The following PLCL2 variants were observed in gnomAD, a reference collection of about 807,000 sequenced individuals.
PLCL2 encodes the protein phospholipase C like 2, also known as inactive phospholipase C-like protein 2.
A neutral mutation model predicts 79.6 loss-of-function variants in PLCL2; 4 were observed. The observed-to-expected ratio is 0.05, with a 90% CI of 0.02 to 0.11. The LOEUF (loss-of-function observed/expected upper bound fraction) is 0.11, where lower values mean the gene tolerates loss of function less well. PLCL2 is among the 10% of genes least tolerant of loss of function. The probability of loss-of-function intolerance (pLI) is 1.00; values close to 1 mark genes in which losing one functional copy is unlikely to be tolerated. For missense variants in PLCL2, 895 were observed against 1,291.0 expected, an observed-to-expected ratio of 0.69 and a Z score of 4.70; for synonymous variants, 484 against 457.7, an observed-to-expected ratio of 1.06 and a Z score of -0.73.
chr3:17,033,347 A>G (rs748082537), intron 3 of PLCL2, among the ~76,000 whole-genome samples: 4 of 152,210 alleles, frequency 2.6e-5, no homozygotes, highest in Non-Finnish European at 5.9e-5. Flanking sequence ...TATGACGCCA[A>G]AACCATGCTT....
chr3:16,991,098 G>A (rs900569210), intron 1 of PLCL2, among the ~76,000 whole-genome samples: 8 of 152,212 alleles, frequency 5.3e-5, no homozygotes, highest in Non-Finnish European at 2.9e-5. Context: ...CCAGCCTTCA[G>A]TCTGCTGTCA....
intron 5 of PLCL2, among the ~76,000 whole-genome samples, chr3:17,088,965 A>G (rs1441305316): frequency 1.3e-5 from 2 of 152,244 alleles, no homozygotes; most frequent in Non-Finnish European, 2.9e-5. Context: ...AAGTATATCC[A>G]AAGTAGAAAA....
At chr3:16,975,346 C>G (rs1192422410) in intron 1 of PLCL2, among the ~76,000 whole-genome samples, 2 of 152,022 alleles carry the variant, frequency 1.3e-5, no homozygotes, top group African/African-American at 4.8e-5. Context: ...TCAGTGAAGC[C>G]CAGAATCACT....
chr3:17,002,502 C>A (rs2064221281), intron 1 of PLCL2, among the ~76,000 whole-genome samples: 1 of 152,050 alleles, frequency 6.6e-6, no homozygotes, highest in Non-Finnish European at 1.5e-5. Flanking sequence ...TCTTATTGAT[C>A]TTTTTCTGTA....
intron 1 of PLCL2, among the ~76,000 whole-genome samples, chr3:16,945,926 CT>C (rs2063596142): frequency 6.6e-6 from 1 of 152,210 alleles, no homozygotes; most frequent in Non-Finnish European, 1.5e-5. Context: ...TTCACTTTCT[CT>C]TAGAGTTATG....
chr3:17,018,629 A>G (rs2064411922), intron 3 of PLCL2, among the ~76,000 whole-genome samples: 1 of 152,216 alleles, frequency 6.6e-6, no homozygotes. Context: ...GACAGCATAC[A>G]TGATTATATC....
intron 1 of PLCL2, among the ~76,000 whole-genome samples, chr3:16,997,141 A>G (rs1434039469): frequency 2.6e-5 from 4 of 152,220 alleles, no homozygotes; most frequent in Non-Finnish European, 5.9e-5. Context: ...CAAGGCCATC[A>G]TTGGCTTTAT....
At chr3:16,901,816 G>C (rs1217325313) in intron 1 of PLCL2, among the ~76,000 whole-genome samples, 5 of 152,158 alleles carry the variant, frequency 3.3e-5, no homozygotes, top group Non-Finnish European at 7.3e-5. Flanking sequence ...CCTGTTTTCA[G>C]CTGTATCTAA....
intron 1 of PLCL2, among the ~76,000 whole-genome samples, chr3:16,915,628 T>G (rs1458152374): frequency 6.6e-6 from 1 of 152,232 alleles, no homozygotes; most frequent in Non-Finnish European, 1.5e-5. Flanking sequence ...ATTCAGATAG[T>G]GTTTCATCTC....
chr3:16,916,030 ATG>A (rs916411222), intron 1 of PLCL2, among the ~76,000 whole-genome samples: 3 of 152,212 alleles, frequency 2.0e-5, no homozygotes, highest in Non-Finnish European at 4.4e-5. Flanking sequence ...AAATCAAAGC[ATG>A]CTTAGTAAGG....
intron 1 of PLCL2, among the ~76,000 whole-genome samples, chr3:16,985,678 A>G (rs1185362171): frequency 6.6e-6 from 1 of 152,180 alleles, no homozygotes; most frequent in Non-Finnish European, 1.5e-5. Context: ...AGGCACTGCC[A>G]AGAGAAGTGA....
intron 1 of PLCL2, among the ~76,000 whole-genome samples, chr3:16,976,246 T>TG (rs925156042): frequency 9.9e-5 from 15 of 152,144 alleles, no homozygotes; most frequent in African/African-American, 3.6e-4. Context: ...GGAGAGGGGT[T>TG]GGGGAACATG....
At chr3:16,903,218 A>T (rs1696669612) in intron 1 of PLCL2, among the ~76,000 whole-genome samples, 1 of 152,206 alleles carries the variant, frequency 6.6e-6, no homozygotes, top group Non-Finnish European at 1.5e-5. Context: ...TTATCCTGGT[A>T]TCCATGATTA....
intron 1 of PLCL2, among the ~76,000 whole-genome samples, chr3:16,948,508 ATGTAT>A (rs938467090): frequency 3.9e-5 from 6 of 152,182 alleles, no homozygotes; most frequent in African/African-American, 1.4e-4. Context: ...CTTTAAATAG[ATGTAT>A]TGTGTGGTGT....
At chr3:17,081,787 G>T (rs749836707) in intron 5 of PLCL2, among the ~76,000 whole-genome samples, 5 of 152,174 alleles carry the variant, frequency 3.3e-5, no homozygotes, top group South Asian at 2.1e-4. Flanking sequence ...CGCCAGACTC[G>T]CAGCAAGAGC....
At chr3:16,898,610 T>A (rs939680231) in intron 1 of PLCL2, among the ~76,000 whole-genome samples, 1 of 152,142 alleles carries the variant, frequency 6.6e-6, no homozygotes, top group Non-Finnish European at 1.5e-5. Context: ...ATGTGTGGCC[T>A]CTGTGGCAGT....
rs533954997 is a variant in PLCL2 at position 16,913,994 on chromosome 3, A to G, written c.327+28628A>G. On this transcript the variant is annotated intron_variant, in intron 1 of 5. Coordinates refer to ENST00000615277, the MANE Select transcript of PLCL2 (RefSeq NM_001144382.2). Reference sequence around the variant, plus strand: ...CACCCTGTGATATATGACTTGCCAGATTCTCTGATCCTGGGGCCCTTTAGC... The same window carrying G: ...CACCCTGTGATATATGACTTGCCAGGTTCTCTGATCCTGGGGCCCTTTAGC... Among the ~76,000 whole-genome samples the G allele has an allele frequency of 2.0e-5, 3 of 152,356 alleles. No individual in the cohort carries two copies. In the East Asian group the frequency reaches 5.8e-4, roughly 29 times the overall value.
chr3:16,999,362 T>C (rs956856616), intron 1 of PLCL2, among the ~76,000 whole-genome samples: 6 of 152,208 alleles, frequency 3.9e-5, no homozygotes, highest in African/African-American at 1.2e-4. Context: ...CCTAAGTGTT[T>C]AGAGTATTGC....
In PLCL2 at chr3:17,058,497, C is replaced by G. The variant is rs188256476; in HGVS notation, c.3095-9459C>G. 7.1e-3 allele frequency among the ~76,000 whole-genome samples: 1,086 copies of G among 152,128 alleles called. 9 individuals carry two copies. The highest frequency in any genetic ancestry group is 0.011 in the Non-Finnish European group (737 of 67,992). On this transcript the variant is annotated intron_variant, in intron 4 of 5. Transcript: ENST00000615277. ...TTGGAAGGATGGAGCTGCTATTTACCAAGATGCTGAAGACTGGGGCAGGCC... is the reference window on the plus strand; with the variant it reads ...TTGGAAGGATGGAGCTGCTATTTACGAAGATGCTGAAGACTGGGGCAGGCC...
Sources: gnomAD v4.1 joint callset for allele counts (sites outside exome capture counted in the v4.1 genomes callset) on GRCh38, gnomAD v4.1.1 for gene constraint, MANE v1.5 for transcripts, NCBI Gene and HGNC (gene_info 2026-07-23, HGNC 2026-07-21) for gene names.